The following CXCL13 variants were observed in gnomAD, a reference collection of about 807,000 sequenced individuals.
CXCL13 encodes C-X-C motif chemokine ligand 13.
A neutral mutation model predicts 12.2 loss-of-function variants in CXCL13; 7 were observed. The observed-to-expected ratio is 0.57, with a 90% CI of 0.33 to 1.07. The LOEUF is 1.07. Ranked by LOEUF, CXCL13 falls within the 50% of genes least tolerant of loss-of-function variation. CXCL13 has a pLI of 0.04. For synonymous variants in CXCL13, 47 were observed against 42.4 expected, an observed-to-expected ratio of 1.11 and a Z score of -0.42; for missense variants, 113 against 127.4, an observed-to-expected ratio of 0.89 and a Z score of 0.55.
intron 1 of CXCL13, among the ~76,000 whole-genome samples, chr4:77,577,376 G>T (rs924448741): frequency 1.3e-5 from 2 of 151,852 alleles, no homozygotes; most frequent in African/African-American, 4.8e-5. Flanking sequence ...ACACATTTTT[G>T]GTCCCAAACT....
At chr4:77,610,155 CAT>C (rs1166144648) in intron 2 of CXCL13, among the ~76,000 whole-genome samples, 8 of 151,294 alleles carry the variant, frequency 5.3e-5, no homozygotes, top group African/African-American at 9.8e-5. Context: ...GCATGCGTCT[CAT>C]GTGAAATTGC....
intron 1 of CXCL13, among the ~76,000 whole-genome samples, chr4:77,529,656 CGG>C: frequency 6.6e-6 from 1 of 152,274 alleles, no homozygotes; most frequent in South Asian, 2.1e-4. Context: ...AGTTGCCTAT[CGG>C]CTTAAGGAGA....
In CXCL13 at chr4:77,573,022, G is replaced by A. The variant is rs190908753; in HGVS notation, c.-42-32802G>A. Among the ~76,000 whole-genome samples, 548 of 151,938 alleles carry A rather than the reference G, an allele frequency of 3.6e-3. 17 individuals are homozygous for A. Among genetic ancestry groups the A allele is most frequent in the African/African-American group, 0.013 (524 of 41,240 alleles). On this transcript the variant is annotated intron_variant, in intron 1 of 4. Coordinates refer to the CXCL13 transcript ENST00000286758. Reference sequence around the variant, plus strand: ...TACCACATGTTCTCACTTATAAGTGGGAGCTAAATGATGAGAACACATGGA... The same window carrying A: ...TACCACATGTTCTCACTTATAAGTGAGAGCTAAATGATGAGAACACATGGA...
At chr4:77,573,362 T>TG (rs1726133949) in intron 1 of CXCL13, among the ~76,000 whole-genome samples, 2 of 134,910 alleles carry the variant, frequency 1.5e-5, no homozygotes, top group South Asian at 2.6e-4. Context: ...ATTGGGTCTT[T>TG]TGTGTGTGTG....
intron 1 of CXCL13, among the ~76,000 whole-genome samples, chr4:77,570,993 G>A (rs1001463835): frequency 1.3e-5 from 2 of 151,982 alleles, no homozygotes; most frequent in African/African-American, 2.4e-5. Context: ...GACGAATGCC[G>A]CTCCCTGCTC....
chr4:77,531,742 A>C (rs1000830708), intron 1 of CXCL13, among the ~76,000 whole-genome samples: 1 of 151,986 alleles, frequency 6.6e-6, no homozygotes, highest in South Asian at 2.1e-4. Flanking sequence ...GTATTGGGTG[A>C]ATATATATTT....
intron 1 of CXCL13, among the ~76,000 whole-genome samples, chr4:77,565,350 A>G (rs956280370): frequency 2.0e-5 from 3 of 152,044 alleles, no homozygotes; most frequent in African/African-American, 7.2e-5. Context: ...CCCAAACACA[A>G]CTCAGATTCA....
intron 1 of CXCL13, among the ~76,000 whole-genome samples, chr4:77,567,557 A>T (rs1421324205): frequency 6.6e-6 from 1 of 152,216 alleles, no homozygotes; most frequent in Non-Finnish European, 1.5e-5. Flanking sequence ...GGAGTTTGGC[A>T]GGCTTGGTTT....
chr4:77,548,212 C>A (rs189733438), intron 1 of CXCL13, among the ~76,000 whole-genome samples: 1 of 152,186 alleles, frequency 6.6e-6, no homozygotes, highest in Admixed American at 6.5e-5. Flanking sequence ...GAGAAAGAGA[C>A]AAATGGAGAG....
intron 1 of CXCL13, among the ~76,000 whole-genome samples, chr4:77,541,073 G>A (rs962244131): frequency 3.3e-5 from 5 of 152,000 alleles, no homozygotes; most frequent in South Asian, 2.1e-4. Flanking sequence ...GTGTCTGTTC[G>A]TGTCTTTTGC....
In CXCL13 at chr4:77,589,144, G is replaced by A. The variant is rs374329678; in HGVS notation, c.-42-16680G>A. Among the ~76,000 whole-genome samples the A allele has an allele frequency of 2.6e-4, 39 of 152,260 alleles. 1 individual carries two copies. The East Asian group carries it at 2.9e-3, about 11-fold the overall frequency. The stretch of plus-strand genomic sequence containing the variant: ...GTAGTCCACCCTTATCAACAGTTTC[G>A]CATTCCGCAGTTTGTTATCCACAGC... On this transcript the variant is annotated intron_variant, in intron 1 of 4. Transcript: ENST00000286758.
chr4:77,548,565 C>T (rs979175899), intron 1 of CXCL13, among the ~76,000 whole-genome samples: 2 of 152,170 alleles, frequency 1.3e-5, no homozygotes, highest in African/African-American at 4.8e-5. Flanking sequence ...ATAATTAGTA[C>T]ATGAGAAAAA....
At chr4:77,514,673 T>C (rs1328703818) in intron 1 of CXCL13, among the ~76,000 whole-genome samples, 2 of 151,372 alleles carry the variant, frequency 1.3e-5, no homozygotes, top group African/African-American at 4.9e-5. Flanking sequence ...TTCTTGTAAA[T>C]TTGTTTGAGT....
chr4:77,551,321 C>T (rs1023119614), intron 1 of CXCL13, among the ~76,000 whole-genome samples: 3 of 152,176 alleles, frequency 2.0e-5, no homozygotes, highest in Admixed American at 6.5e-5. Flanking sequence ...CTAGTGGTAA[C>T]AAATTCCCTT....
Position 77,611,004 on chromosome 4 carries a change from C to T in CXCL13, c.295C>T (p.Leu99=). 1 of 1,611,338 alleles carries T rather than the reference C, an allele frequency of 6.2e-7. No individual in the cohort carries two copies. ...GCTTCACAGAAGAAGTTCTTCAACT[C>T]TACCAGTTCCAGTGTTTAAGAGAAA... The part of the protein sequence containing the change: ...EVLRKRSSST[L]PVPVFKRKIP The change falls in exon 4 of 4, where the codon CTA becomes TTA. Residue 99 remains leucine, a synonymous_variant. Coordinates refer to ENST00000682537, the MANE Select transcript of CXCL13 (RefSeq NM_001371558.1).
intron 1 of CXCL13, among the ~76,000 whole-genome samples, chr4:77,532,335 A>G (rs546328583): frequency 8.5e-5 from 13 of 152,192 alleles, no homozygotes; most frequent in South Asian, 2.1e-4. Flanking sequence ...TGAAATTCTG[A>G]GTTGAAAATT....
intron 1 of CXCL13, among the ~76,000 whole-genome samples, chr4:77,513,021 A>G (rs1291614711): frequency 6.6e-6 from 1 of 152,124 alleles, no homozygotes; most frequent in Non-Finnish European, 1.5e-5. Context: ...GAGTGAGAAC[A>G]TGTGGTGTTT....
chr4:77,532,415 G>A (rs1312429931), intron 1 of CXCL13, among the ~76,000 whole-genome samples: 7 of 152,200 alleles, frequency 4.6e-5, no homozygotes, highest in Non-Finnish European at 8.8e-5. Context: ...CGAGAAATCA[G>A]CTGTTAGTCT....
At chr4:77,535,363 G>A (rs756838652) in intron 1 of CXCL13, among the ~76,000 whole-genome samples, 4 of 151,948 alleles carry the variant, frequency 2.6e-5, no homozygotes, top group African/African-American at 4.8e-5. Context: ...CTTTCCAGTT[G>A]AGCCATGCTT....
Sources: gnomAD v4.1 joint callset for allele counts (sites outside exome capture counted in the v4.1 genomes callset) on GRCh38, gnomAD v4.1.1 for gene constraint, MANE v1.5 for transcripts, NCBI Gene and HGNC (gene_info 2026-07-23, HGNC 2026-07-21) for gene names.